DYNC2H1: variants seen among roughly 807,000 people sequenced by gnomAD.
DYNC2H1 encodes the protein cytoplasmic dynein 2 heavy chain 1.
In DYNC2H1, 410 loss-of-function variants were observed where a neutral mutation model predicts 570.0. That is an observed-to-expected ratio of 0.72 (90% CI 0.66 to 0.78). The LOEUF (loss-of-function observed/expected upper bound fraction) is 0.78. Ranked by LOEUF, DYNC2H1 falls within the 30% of genes least tolerant of loss-of-function variation. The pLI is 0.00. For missense variants in DYNC2H1, 4,865 were observed against 5,046.4 expected, an observed-to-expected ratio of 0.96 and a Z score of 1.09; for synonymous variants, 1,688 against 1,677.6, an observed-to-expected ratio of 1.01 and a Z score of -0.15.
chr11:103,164,421 C>T (rs189747214), intron 30 of DYNC2H1, among the ~76,000 whole-genome samples: 1 of 152,214 alleles, frequency 6.6e-6, no homozygotes, highest in African/African-American at 2.4e-5. Context: ...ATATTGATCT[C>T]AAGAGTATTT....
chr11:103,276,512 T>C (rs144825282), intron 70 of DYNC2H1, among the ~76,000 whole-genome samples: 76 of 152,192 alleles, frequency 5.0e-4, no homozygotes, highest in African/African-American at 1.8e-3. Flanking sequence ...TTAGTGGGTT[T>C]TTTAAAAAAC....
In DYNC2H1 at chr11:103,275,016, C is replaced by T. The variant is rs1350130744; in HGVS notation, c.10696-5332C>T. Among the ~76,000 whole-genome samples, 1 of 152,046 alleles carries T rather than the reference C, an allele frequency of 6.6e-6. No homozygotes were observed. The highest frequency in any genetic ancestry group is 1.9e-4 in the East Asian group (1 of 5,188). On this transcript the variant is annotated intron_variant, in intron 70 of 88. Coordinates refer to ENST00000375735, the MANE Select transcript of DYNC2H1 (RefSeq NM_001377.3). The surrounding 1 kb of genome is among the most constrained non-coding windows in gnomAD (Gnocchi z 4.8). The stretch of plus-strand genomic sequence containing the variant: ...GGCTGAGGCGGGAGAATCACTTGAA[C>T]CTGGGAGGTGGAGGTTGCAGTGATC...
chr11:103,224,922 A>AATTTTTTT lies in DYNC2H1; in HGVS notation c.9353+1840_9353+1847dup, dbSNP rs1863745601. 2.6e-5 allele frequency among the ~76,000 whole-genome samples: 4 copies of AATTTTTTT among 152,086 alleles called. No homozygotes were observed. In the South Asian group the frequency reaches 8.3e-4, roughly 32 times the overall value. ...TCCCTGCCAACATCTATACTTTTTT[A>AATTTTTTT]ATTTTTTTATTATGGCCATTCTTGC... On this transcript the variant is annotated intron_variant, in intron 59 of 88. Coordinates refer to ENST00000375735, the MANE Select transcript of DYNC2H1 (RefSeq NM_001377.3).
chr11:103,444,385 G>A, intron 85 of DYNC2H1, among the ~76,000 whole-genome samples: 1 of 151,926 alleles, frequency 6.6e-6, no homozygotes, highest in South Asian at 2.1e-4. Flanking sequence ...TAAATGTCAT[G>A]CCTTGTTGAC....
In DYNC2H1 at chr11:103,338,757, A is replaced by G. The variant is rs1939287932; in HGVS notation, c.12039+14767A>G. Among the ~76,000 whole-genome samples, 4 of 152,280 alleles carry G rather than the reference A, an allele frequency of 2.6e-5. 1 individual carries two copies. The South Asian group carries it at 8.3e-4, about 32-fold the overall frequency. Reference sequence around the variant, plus strand: ...TTGAAGTTTGTTGAGCTTCATGAAGACAGCTGTTTTGAATTTCCTGTCTGA... The same window carrying G: ...TTGAAGTTTGTTGAGCTTCATGAAGGCAGCTGTTTTGAATTTCCTGTCTGA... On this transcript the variant is annotated intron_variant, in intron 82 of 88. Coordinates refer to ENST00000375735, the MANE Select transcript of DYNC2H1 (RefSeq NM_001377.3).
At chr11:103,402,679 A>G (rs1464972118) in intron 84 of DYNC2H1, 1 of 152,164 alleles carries the variant, frequency 6.6e-6, no homozygotes, top group Non-Finnish European at 1.5e-5. Context: ...TAGTAGGATT[A>G]AAATAATGAA....
rs1194469692 is a variant in DYNC2H1, at chr11:103,170,334, T to C, written c.5151+44T>C. ...AAAATATGTAACAATGGGTTAATCA[T>C]ATTTAGATTAGTTTCTATTAGTATA... On this transcript the variant is annotated intron_variant, in intron 33 of 88. Coordinates refer to ENST00000375735, the MANE Select transcript of DYNC2H1 (RefSeq NM_001377.3). The surrounding 1 kb of genome is among the most constrained non-coding windows in gnomAD (Gnocchi z 4.8). 2 of 1,475,338 alleles carry C rather than the reference T, an allele frequency of 1.4e-6. No homozygotes were observed. Among genetic ancestry groups the C allele is most frequent in the Middle Eastern group, 1.7e-4 (1 of 5,740 alleles). The allele number at this position is 1,475,338 out of a possible 1,614,324, so 91.4% of individuals were successfully genotyped here. A position where few individuals can be genotyped will look rare whatever the true frequency, so the allele number is the denominator to read the frequency against.
intron 42 of DYNC2H1, 110 bp from the exon 43 acceptor site, chr11:103,187,230 A>G: frequency 2.1e-6 from 3 of 1,446,884 alleles, no homozygotes; most frequent in Non-Finnish European, 1.9e-6. Context: ...CTATCATCAT[A>G]TACATTTTAG....
chr11:103,366,194 A>G (rs182379627), intron 83 of DYNC2H1, among the ~76,000 whole-genome samples: 40 of 152,302 alleles, frequency 2.6e-4, no homozygotes, highest in African/African-American at 9.1e-4. Flanking sequence ...TGAATGTAAG[A>G]GTCACTTTTC....
At chr11:103,282,946 G>A in intron 72 of DYNC2H1, 62 bp from the exon 73 acceptor site, 1 of 1,197,418 alleles carries the variant, frequency 8.4e-7, no homozygotes, top group Non-Finnish European at 1.2e-6. Flanking sequence ...CTAATCAATT[G>A]CTATTTTTTA....
intron 85 of DYNC2H1, among the ~76,000 whole-genome samples, chr11:103,436,558 C>T (rs1390447247): frequency 1.3e-5 from 2 of 152,020 alleles, no homozygotes; most frequent in Non-Finnish European, 2.9e-5. Context: ...CTGCTTGTTG[C>T]ACCAGCTTCA....
chr11:103,246,537 T>C (rs541131703), intron 65 of DYNC2H1, among the ~76,000 whole-genome samples: 20 of 152,144 alleles, frequency 1.3e-4, no homozygotes, highest in African/African-American at 4.8e-4. Flanking sequence ...CTGTTCTAGG[T>C]AGTTATGCAA....
chr11:103,266,100 T>C (rs2135292167), intron 70 of DYNC2H1, among the ~76,000 whole-genome samples: 1 of 152,252 alleles, frequency 6.6e-6, no homozygotes, highest in East Asian at 1.9e-4. Flanking sequence ...GGCAAGGCGC[T>C]CTGTGACCGC....
chr11:103,235,895 C>A (rs1471867155), intron 62 of DYNC2H1, 82 bp downstream of exon 62: 8 of 1,494,896 alleles, frequency 5.4e-6, no homozygotes, highest in Non-Finnish European at 7.2e-6. Flanking sequence ...TAAAAATAGA[C>A]CCTTTATTCT....
intron 31 of DYNC2H1, among the ~76,000 whole-genome samples, chr11:103,166,959 T>A (rs1431390848): frequency 6.7e-6 from 1 of 148,478 alleles, no homozygotes; most frequent in Non-Finnish European, 1.5e-5. Context: ...GTTAGACCTT[T>A]TGGCATGGGT....
At chr11:103,349,730 C>A (rs1939949592) in intron 82 of DYNC2H1, among the ~76,000 whole-genome samples, 1 of 152,110 alleles carries the variant, frequency 6.6e-6, no homozygotes, top group Non-Finnish European at 1.5e-5. Flanking sequence ...CTAGCAGATC[C>A]TCTGAGATTT....
chr11:103,272,449 G>A lies in DYNC2H1; in HGVS notation c.10696-7899G>A, dbSNP rs111283658. On this transcript the variant is annotated intron_variant, in intron 70 of 88. Coordinates refer to ENST00000375735, the MANE Select transcript of DYNC2H1 (RefSeq NM_001377.3). ...GGGGTGGGGGGATGGGGGAGGGATA[G>A]CATCAGGAGATATACCTAATGTAAA... Among the ~76,000 whole-genome samples the A allele has an allele frequency of 2.4e-3, 367 of 152,272 alleles. 3 individuals carry two copies. Among genetic ancestry groups the A allele is most frequent in the African/African-American group, 8.5e-3 (353 of 41,544 alleles).
At chr11:103,138,136 A>G (rs1251716603) in intron 17 of DYNC2H1, among the ~76,000 whole-genome samples, 3 of 152,052 alleles carry the variant, frequency 2.0e-5, no homozygotes, top group African/African-American at 4.8e-5. Context: ...GGCTGAGACA[A>G]TGGGGTTTTC....
At chr11:103,270,607 T>TCG (rs1390455521) in intron 70 of DYNC2H1, among the ~76,000 whole-genome samples, 1 of 149,816 alleles carries the variant, frequency 6.7e-6, no homozygotes, top group African/African-American at 2.4e-5. Context: ...TCTCTCGAAC[T>TCG]ATCTTATTGT....
Sources: gnomAD v4.1 joint callset for allele counts (sites outside exome capture counted in the v4.1 genomes callset) on GRCh38, gnomAD v4.1.1 for gene constraint, Gnocchi (gnomAD v3.1) non-coding constraint, MANE v1.5 for transcripts, NCBI Gene and HGNC (gene_info 2026-07-23, HGNC 2026-07-21) for gene names.